Variants in SLC5A11 observed in about 807,000 individuals in gnomAD.
The protein encoded by SLC5A11 is sodium/myo-inositol cotransporter 2.
A neutral mutation model predicts 69.8 loss-of-function variants in SLC5A11; 48 were observed. That is an observed-to-expected ratio of 0.69 (90% CI 0.55 to 0.87). SLC5A11 has a LOEUF of 0.87. SLC5A11 is among the 40% of genes least tolerant of loss of function. The probability of loss-of-function intolerance (pLI) is 0.00; values close to 1 mark genes in which losing one functional copy is unlikely to be tolerated. For missense variants in SLC5A11, 784 were observed against 866.1 expected (o/e 0.91, Z 1.19); for synonymous variants, 319 against 342.4 (o/e 0.93, Z 0.75).
In SLC5A11 at chr16:24,870,021, A is replaced by G. The variant is rs1167109887; in HGVS notation, c.312+16A>G. 1 of 1,560,458 alleles carries G rather than the reference A, an allele frequency of 6.4e-7. No homozygotes were observed. Among genetic ancestry groups the G allele is most frequent in the Non-Finnish European group, 8.8e-7 (1 of 1,131,222 alleles). On this transcript the variant is annotated intron_variant, in intron 4 of 15. Coordinates refer to ENST00000347898, the Ensembl canonical transcript of SLC5A11. ...TGAACTTAATGTAAGTATTTTACCT[A>G]GGGCATAGATGACATCTTACCTCTA...
intron 6 of SLC5A11, chr16:24,876,978 G>C (rs141064922): frequency 0.031 from 24,648 of 797,586 alleles, 474 homozygotes; most frequent in Non-Finnish European, 0.037. Flanking sequence ...GATCATTATG[G>C]TATTTAATGA....
At chr16:24,873,247 GAGGAAGGAAGGAAGGAAGGAAGGAAGGA>G (rs549215226) in intron 5 of SLC5A11, among the ~76,000 whole-genome samples, 35 of 101,490 alleles carry the variant, frequency 3.4e-4, no homozygotes, top group African/African-American at 6.2e-4. Context: ...GAGAGGGAGG[GAGGAAGGAAGGAAGGAAGGAAGGAAGGA>G]AGGAAGGAAG....
At chr16:24,882,686 C>A (rs547903670) in intron 7 of SLC5A11, among the ~76,000 whole-genome samples, 17 of 152,306 alleles carry the variant, frequency 1.1e-4, no homozygotes, top group African/African-American at 3.8e-4. Flanking sequence ...CGCTCTGTTG[C>A]CCAGGCTGGC....
intron 13 of SLC5A11, among the ~76,000 whole-genome samples, chr16:24,908,367 G>A (rs1441899332): frequency 6.6e-6 from 1 of 152,124 alleles, no homozygotes; most frequent in Non-Finnish European, 1.5e-5. Flanking sequence ...GGGAGGCCGA[G>A]GTGGGTGGAT....
chr16:24,869,369 GC>G (rs1273286943), intron 3 of SLC5A11, among the ~76,000 whole-genome samples: 2 of 152,136 alleles, frequency 1.3e-5, no homozygotes, highest in Non-Finnish European at 2.9e-5. Context: ...AATTTGCTCA[GC>G]TTGGGCCAGG....
intron 10 of SLC5A11, among the ~76,000 whole-genome samples, chr16:24,902,120 G>T (rs1245237031): frequency 6.6e-6 from 1 of 152,024 alleles, no homozygotes; most frequent in East Asian, 1.9e-4. Context: ...TCAGAAAAGA[G>T]TAAAAACATA....
At chr16:24,847,717 C>A (rs2059092493) in intron 1 of SLC5A11, among the ~76,000 whole-genome samples, 1 of 152,198 alleles carries the variant, frequency 6.6e-6, no homozygotes, top group Non-Finnish European at 1.5e-5. Context: ...ACAGAAGTGT[C>A]CTAGCCCATT....
exon 10 of SLC5A11, chr16:24,898,016 G>T: frequency 6.2e-7 from 1 of 1,614,164 alleles, no homozygotes; most frequent in African/African-American, 1.3e-5. Flanking sequence ...CCTGTCCCAT[G>T]CCAAAGGAGG....
intron 13 of SLC5A11, among the ~76,000 whole-genome samples, 175 bp downstream of exon 14, chr16:24,908,306 A>C (rs1438940407): frequency 6.6e-6 from 1 of 152,128 alleles, no homozygotes. Flanking sequence ...CTTTGCAAAA[A>C]AGCAATGAGA....
chr16:24,883,544 A>G (rs2048184254), intron 7 of SLC5A11, among the ~76,000 whole-genome samples: 1 of 152,158 alleles, frequency 6.6e-6, no homozygotes, highest in Admixed American at 6.5e-5. Context: ...TCCTGGGTGG[A>G]TATTTGCTAG....
intron 7 of SLC5A11, among the ~76,000 whole-genome samples, chr16:24,879,506 G>A (rs565564696): frequency 1.3e-5 from 2 of 152,312 alleles, no homozygotes; most frequent in South Asian, 4.1e-4. Context: ...GAAGGCCAAG[G>A]TGGGAAGATC....
chr16:24,848,863 G>A (rs1242996919), intron 1 of SLC5A11, among the ~76,000 whole-genome samples: 4 of 152,046 alleles, frequency 2.6e-5, no homozygotes, highest in Non-Finnish European at 5.9e-5. Flanking sequence ...AAGACTGGAG[G>A]GTCTTTCTCT....
intron 10 of SLC5A11, 67 bp downstream of exon 11, chr16:24,898,176 C>T: frequency 6.5e-7 from 1 of 1,548,240 alleles, no homozygotes; most frequent in Non-Finnish European, 8.7e-7. Context: ...TTATTCTAAA[C>T]ATATTATTAG....
At chr16:24,891,211 C>T in intron 9 of SLC5A11, 137 bp downstream of exon 10, 1 of 753,642 alleles carries the variant, frequency 1.3e-6, no homozygotes, top group Admixed American at 2.7e-5. Flanking sequence ...TTCCTCCTTT[C>T]CATTGCTCTA....
intron 3 of SLC5A11, among the ~76,000 whole-genome samples, chr16:24,863,991 C>T (rs2046761783): frequency 6.6e-6 from 1 of 152,164 alleles, no homozygotes; most frequent in Non-Finnish European, 1.5e-5. Context: ...GTGTGCATAG[C>T]CTTTTCCCTA....
In SLC5A11 at chr16:24,895,988, G is replaced by T. The variant is rs537203495; in HGVS notation, c.871-1986G>T. 5.9e-5 allele frequency among the ~76,000 whole-genome samples: 9 copies of T among 151,942 alleles called. No individual in the cohort carries two copies. In the South Asian group the frequency reaches 1.3e-3, roughly 21 times the overall value. ...CCTCACTACACTCTTCTCATTAAGG[G>T]TTCTTTGATGATTTAGTGAGGACTC... On this transcript the variant is annotated intron_variant, in intron 9 of 15. Transcript: ENST00000347898.
intron 15 of SLC5A11, 85 bp from the exon 17 acceptor site, chr16:24,911,243 G>T: frequency 1.6e-6 from 2 of 1,269,616 alleles, no homozygotes; most frequent in South Asian, 1.2e-5. Flanking sequence ...CCCAGCACTT[G>T]AACACATCTG....
chr16:24,888,839 C>T (rs563510392), intron 8 of SLC5A11, among the ~76,000 whole-genome samples: 29 of 132,636 alleles, frequency 2.2e-4, no homozygotes, highest in Non-Finnish European at 4.2e-4. Context: ...CTCTGTTGCC[C>T]AGGCTGGCAT....
intron 7 of SLC5A11, among the ~76,000 whole-genome samples, chr16:24,883,567 C>T (rs940321952): frequency 2.0e-5 from 3 of 152,288 alleles, no homozygotes; most frequent in Non-Finnish European, 1.5e-5. Context: ...TAACCTGGCT[C>T]TGCGAATTAT....
Sources: gnomAD v4.1 joint callset for allele counts (sites outside exome capture counted in the v4.1 genomes callset) on GRCh38, gnomAD v4.1.1 for gene constraint, MANE v1.5 for transcripts, NCBI Gene and HGNC (gene_info 2026-07-23, HGNC 2026-07-21) for gene names.